ARHGEF3: variants seen among roughly 807,000 people sequenced by gnomAD.
ARHGEF3 encodes 59.8 kDA protein.
A neutral mutation model predicts 63.2 loss-of-function variants in ARHGEF3; 28 were observed. That is an observed-to-expected ratio of 0.44 (90% CI 0.33 to 0.61). ARHGEF3 has a LOEUF of 0.61. ARHGEF3 is among the 20% of genes least tolerant of loss of function. ARHGEF3 has a pLI of 0.03. For missense variants in ARHGEF3, 533 were observed against 659.3 expected (o/e 0.81, Z 2.10); for synonymous variants, 266 against 254.2 (o/e 1.05, Z -0.44).
chr3:56,943,248 G>C (rs1699277347), intron 3 of ARHGEF3, among the ~76,000 whole-genome samples: 1 of 152,186 alleles, frequency 6.6e-6, no homozygotes, highest in African/African-American at 2.4e-5. Context: ...CTTATTAGGA[G>C]CTAAGGCAGT....
At chr3:57,035,416 C>T (rs566411280) in intron 1 of ARHGEF3, among the ~76,000 whole-genome samples, 5 of 152,370 alleles carry the variant, frequency 3.3e-5, no homozygotes, top group Non-Finnish European at 7.3e-5. Context: ...GTGGCACAAT[C>T]TCAGCTCACT....
At chr3:57,009,487 G>A (rs1398965381) in intron 2 of ARHGEF3, among the ~76,000 whole-genome samples, 1 of 152,182 alleles carries the variant, frequency 6.6e-6, no homozygotes, top group African/African-American at 2.4e-5. Flanking sequence ...CCATGACAGT[G>A]AGGCTAGAGG....
intron 3 of ARHGEF3, among the ~76,000 whole-genome samples, chr3:56,925,612 TCTATGACCACCCTATGAGATAAGTA>T (rs71637545): frequency 0.6 from 90,485 of 151,766 alleles, 27,126 homozygotes; most frequent in East Asian, 0.68. Flanking sequence ...CTAATTTAAT[TCTATGACCACCCTATGAGATAAGTA>T]CTTTTATTAT....
chr3:56,759,610 T>A (rs989152273), intron 2 of ARHGEF3, among the ~76,000 whole-genome samples: 2 of 152,192 alleles, frequency 1.3e-5, no homozygotes, highest in African/African-American at 2.4e-5. Flanking sequence ...TATCTCACTG[T>A]AACCTCAAAC....
chr3:56,729,522 A>G lies in ARHGEF3; in HGVS notation c.1329T>C (p.Cys443=). 1 of 1,614,164 alleles carries G rather than the reference A, an allele frequency of 6.2e-7. No individual in the cohort carries two copies. Among genetic ancestry groups the G allele is most frequent in the Non-Finnish European group, 8.5e-7 (1 of 1,180,012 alleles). ...DTFNKQQWLN[C]IRQAKETVLC... ...AAACTGTTTCTTTGGCTTGACGAAT[A>G]CAGTTAAGCCACTGCTGTTTGTTGA... Residue 443 remains cysteine, a synonymous_variant, in exon 10 of 10, where the codon TGT becomes TGC. Coordinates refer to ENST00000296315, the MANE Select transcript of ARHGEF3 (RefSeq NM_019555.3).
chr3:56,729,660 A>G, intron 9 of ARHGEF3, 38 bp from the exon 10 acceptor site: 1 of 1,519,362 alleles, frequency 6.6e-7, no homozygotes, highest in Non-Finnish European at 9.0e-7. Flanking sequence ...AAGTCAATGG[A>G]CAGATCCTTC....
intron 1 of ARHGEF3, among the ~76,000 whole-genome samples, chr3:57,037,847 C>T (rs1704024806): frequency 6.6e-6 from 1 of 152,014 alleles, no homozygotes; most frequent in African/African-American, 2.4e-5. Context: ...TGCACTCCAG[C>T]CTGGGCGACA....
At chr3:56,888,306 A>T (rs2040992524) in intron 3 of ARHGEF3, among the ~76,000 whole-genome samples, 1 of 152,198 alleles carries the variant, frequency 6.6e-6, no homozygotes, top group Non-Finnish European at 1.5e-5. Context: ...CCTGGGCGAC[A>T]GTCTGGGGAC....
Position 56,904,176 on chromosome 3 carries a change from C to T in ARHGEF3, c.130-21822G>A, listed in dbSNP as rs145743319. Among the ~76,000 whole-genome samples the T allele has an allele frequency of 2.6e-3, 400 of 152,198 alleles. 1 individual carries two copies. Among genetic ancestry groups the T allele is most frequent in the African/African-American group, 9.4e-3 (390 of 41,522 alleles). Reference sequence around the variant, plus strand: ...TCCCAAGTAGCTGGGACTACAGGCACGTGCCACCATGCCCAGCTAACTTTT... The same window carrying T: ...TCCCAAGTAGCTGGGACTACAGGCATGTGCCACCATGCCCAGCTAACTTTT... On this transcript the variant is annotated intron_variant, in intron 3 of 12. Coordinates refer to the ARHGEF3 transcript ENST00000338458.
chr3:56,745,100 T>C (rs1169929232), intron 7 of ARHGEF3, 105 bp downstream of exon 7: 13 of 1,408,368 alleles, frequency 9.2e-6, no homozygotes, highest in Non-Finnish European at 1.2e-5. Flanking sequence ...CCAAGATTCC[T>C]GAGTACTAAG....
At chr3:56,967,613 C>CATAATATATATTAT (rs1192676785) in intron 2 of ARHGEF3, among the ~76,000 whole-genome samples, 13 of 84,552 alleles carry the variant, frequency 1.5e-4, no homozygotes, top group African/African-American at 4.9e-4. Flanking sequence ...ATATATGTTA[C>CATAATATATATTAT]ATAATATATA....
intron 1 of ARHGEF3, among the ~76,000 whole-genome samples, chr3:57,035,641 G>A (rs377561852): frequency 2.6e-5 from 4 of 152,250 alleles, no homozygotes; most frequent in South Asian, 2.1e-4. Context: ...AAGCCACTGC[G>A]CTCCGCCAGG....
chr3:57,019,352 G>A (rs527893420), intron 2 of ARHGEF3, among the ~76,000 whole-genome samples: 3 of 152,116 alleles, frequency 2.0e-5, no homozygotes, highest in South Asian at 4.2e-4. Context: ...TTTTTCCCTG[G>A]ACCCAAGTGT....
At chr3:56,835,278 C>A (rs998503919) in intron 4 of ARHGEF3, among the ~76,000 whole-genome samples, 7 of 151,954 alleles carry the variant, frequency 4.6e-5, no homozygotes, top group Non-Finnish European at 7.4e-5. Flanking sequence ...TGGGTTCAAG[C>A]GATTTTCCTG....
chr3:56,754,943 T>C (rs1245599477), intron 3 of ARHGEF3, 38 bp downstream of exon 3: 2 of 1,613,496 alleles, frequency 1.2e-6, no homozygotes, highest in East Asian at 4.5e-5. Context: ...GCACCTTTGT[T>C]CCAGACACAC....
At chr3:56,917,854 G>A (rs1018694055) in intron 3 of ARHGEF3, among the ~76,000 whole-genome samples, 3 of 152,230 alleles carry the variant, frequency 2.0e-5, no homozygotes, top group African/African-American at 7.2e-5. Context: ...CCTGCTTAGA[G>A]AAAGGAGGAA....
rs760916208 is a variant in ARHGEF3, at chr3:56,755,104, G to A, written c.252C>T (p.Pro84=). The A allele has an allele frequency of 2.5e-5, 40 of 1,613,934 alleles. No homozygotes were observed. The highest frequency in any genetic ancestry group is 3.1e-5 in the Non-Finnish European group (37 of 1,180,036). ...GGGCGGCATTTCTGGACCAGGGTCGGGGGGCGAGGATGTCAGGGCGGCTCT... is the reference window on the plus strand; with the variant it reads ...GGGCGGCATTTCTGGACCAGGGTCGAGGGGCGAGGATGTCAGGGCGGCTCT... ...RSESRPDILA[P]RPWSRNAAPS... is the part of the protein sequence containing the mutation. Residue 84 remains proline (P), a synonymous_variant, in exon 3 of 10, where the codon CCC becomes CCT. Transcript: ENST00000296315.
At chr3:56,775,966 C>T (rs1017365356) in intron 1 of ARHGEF3, among the ~76,000 whole-genome samples, 9 of 152,124 alleles carry the variant, frequency 5.9e-5, no homozygotes, top group East Asian at 1.9e-4. Context: ...GAATCCTGCC[C>T]GCTGACTCTG....
intron 1 of ARHGEF3, among the ~76,000 whole-genome samples, chr3:57,051,167 T>G (rs1704652809): frequency 6.6e-6 from 1 of 152,242 alleles, no homozygotes; most frequent in Non-Finnish European, 1.5e-5. Context: ...GTACATACTA[T>G]GAGTAATCTC....
Sources: gnomAD v4.1 joint callset for allele counts (sites outside exome capture counted in the v4.1 genomes callset) on GRCh38, gnomAD v4.1.1 for gene constraint, MANE v1.5 for transcripts, NCBI Gene and HGNC (gene_info 2026-07-23, HGNC 2026-07-21) for gene names.